Variants in STK24 observed in about 807,000 individuals in gnomAD.
STK24 encodes serine/threonine kinase 24.
Under a neutral mutation model 55.6 loss-of-function variants are expected in STK24, and 21 were observed. That is an observed-to-expected ratio of 0.38 (90% CI 0.27 to 0.54). The LOEUF (loss-of-function observed/expected upper bound fraction) is 0.54. STK24 is among the 20% of genes least tolerant of loss of function. The pLI, the probability that STK24 is intolerant of heterozygous loss-of-function variation, is 0.79. For missense variants in STK24, 383 were observed against 538.4 expected (o/e 0.71, Z 2.86); for synonymous variants, 200 against 215.2 (o/e 0.93, Z 0.62).
chr13:98,455,325 C>T (rs1372915106), intron 10 of STK24: 2 of 152,180 alleles, frequency 1.3e-5, no homozygotes, highest in Non-Finnish European at 1.5e-5. Context: ...GCCATAGCCG[C>T]GAACTCCTCA....
At chr13:98,555,014 C>CAAAAAAAAAAAA (rs398024117) in intron 1 of STK24, among the ~76,000 whole-genome samples, 6 of 88,328 alleles carry the variant, frequency 6.8e-5, no homozygotes, top group Non-Finnish European at 1.1e-4. Context: ...GACTCCAACT[C>CAAAAAAAAAAAA]AAAAAAAAAA....
At chr13:98,573,769 T>G (rs1390501046) in intron 1 of STK24, among the ~76,000 whole-genome samples, 3 of 151,752 alleles carry the variant, frequency 2.0e-5, no homozygotes, top group Admixed American at 6.6e-5. Context: ...GTAGGAGGAG[T>G]AGTAGTTTCC....
intron 2 of STK24, among the ~76,000 whole-genome samples, chr13:98,512,984 C>A (rs1472522194): frequency 6.6e-6 from 1 of 152,218 alleles, no homozygotes; most frequent in African/African-American, 2.4e-5. Context: ...CTGCTGCGAA[C>A]CGGCTTCTGC....
chr13:98,543,022 C>T (rs1896930277), intron 1 of STK24: 1 of 985,132 alleles, frequency 1.0e-6, no homozygotes, highest in Admixed American at 6.2e-5. Flanking sequence ...CCTGGAAGGC[C>T]CAAAGACTGA....
chr13:98,551,667 C>T (rs1308089003), intron 1 of STK24, among the ~76,000 whole-genome samples: 2 of 152,120 alleles, frequency 1.3e-5, no homozygotes, highest in Non-Finnish European at 2.9e-5. Flanking sequence ...ATGCTGACTC[C>T]TCCAGGAAGG....
At chr13:98,515,980 C>T (rs1311445655) in intron 2 of STK24, among the ~76,000 whole-genome samples, 1 of 152,208 alleles carries the variant, frequency 6.6e-6, no homozygotes, top group African/African-American at 2.4e-5. Flanking sequence ...GTGCCAAAGA[C>T]CCATTTGTCT....
chr13:98,515,969 T>G (rs1896042614), intron 2 of STK24, among the ~76,000 whole-genome samples: 3 of 152,238 alleles, frequency 2.0e-5, no homozygotes, highest in Admixed American at 2.0e-4. Flanking sequence ...TTTCCAGCTC[T>G]GTGCCAAAGA....
At chr13:98,554,019 G>A (rs1302560365) in intron 1 of STK24, among the ~76,000 whole-genome samples, 1 of 149,274 alleles carries the variant, frequency 6.7e-6, no homozygotes, top group Admixed American at 6.7e-5. Flanking sequence ...CCGAGATCAC[G>A]CCACTGCACT....
At chr13:98,516,763 C>CG (rs1394269579) in intron 2 of STK24, among the ~76,000 whole-genome samples, 3 of 152,218 alleles carry the variant, frequency 2.0e-5, no homozygotes, top group African/African-American at 7.2e-5. Flanking sequence ...AAACAGCCCA[C>CG]GGATCAGGGC....
intron 1 of STK24, among the ~76,000 whole-genome samples, chr13:98,524,794 TGC>T (rs1896375452): frequency 6.6e-6 from 1 of 152,254 alleles, no homozygotes; most frequent in South Asian, 2.1e-4. Context: ...GTTTTCCTTT[TGC>T]CTGGACCAAG....
intron 9 of STK24, 128 bp downstream of exon 9, chr13:98,460,244 G>A (rs1198806392): frequency 5.7e-6 from 5 of 882,688 alleles, no homozygotes; most frequent in African/African-American, 5.1e-5. Context: ...GCACCATGCA[G>A]GCTTTCCGAG....
intron 2 of STK24, among the ~76,000 whole-genome samples, chr13:98,517,180 A>C (rs1418075627): frequency 6.6e-6 from 1 of 152,242 alleles, no homozygotes; most frequent in Non-Finnish European, 1.5e-5. Flanking sequence ...CATCATAATA[A>C]TTCATATTAA....
At position 98,451,202 on chromosome 13, in the gene STK24, C is replaced by T. The variant is rs1399863267; in HGVS notation, c.*1971G>A. 6.6e-6 allele frequency: 1 copy of T among 152,184 alleles called. No homozygotes were observed. Among genetic ancestry groups the T allele is most frequent in the Non-Finnish European group, 1.5e-5 (1 of 68,042 alleles). The allele number at this position is 152,184 out of a possible 1,614,324, so 9.4% of individuals were successfully genotyped here. ...AAAAGCTGCTGTCCGCCCTGGCTCA[C>T]TTAAAAATCAGGTAACGGCACACCC... On this transcript the variant is annotated 3_prime_UTR_variant, in exon 11 of 11. Transcript: ENST00000539966.
At position 98,448,245 on chromosome 13, in the gene STK24, A is replaced by G; in HGVS notation, c.*4928T>C. The G allele has an allele frequency of 6.2e-7, 1 of 1,613,928 alleles. No individual in the cohort carries two copies. Among genetic ancestry groups the G allele is most frequent in the Admixed American group, 1.7e-5 (1 of 60,030 alleles). ...CGTTCCCGTGTTGCAGGTGGATGGA[A>G]GTGATCCGCAGTGCCACCAGCTCTG... On this transcript the variant is annotated 3_prime_UTR_variant, in exon 11 of 11. Coordinates refer to ENST00000539966, the MANE Select transcript of STK24 (RefSeq NM_001032296.4).
rs1388533028 is a variant in STK24, at chr13:98,519,437, G to C, written c.79C>G (p.Leu27Val). The change falls in exon 2 of 11, where the codon CTA (leucine) becomes GTA (valine). Residue 27 changes from leucine to valine, a missense_variant. Transcript: ENST00000539966. ...AAGGAGCCCTTCCCAATTTTCTCTA[G>C]TTTTGTAAAAAGCTCTTCTGGGTCT... Reference protein sequence around the residue: ...KADPEELFTKLEKIGKGSFGE... With the variant: ...KADPEELFTKVEKIGKGSFGE... 2.5e-6 allele frequency: 4 copies of C among 1,614,160 alleles called. No individual in the cohort carries two copies. Among genetic ancestry groups the C allele is most frequent in the South Asian group, 2.2e-5 (2 of 91,088 alleles).
intron 2 of STK24, among the ~76,000 whole-genome samples, chr13:98,490,450 G>A (rs1199793226): frequency 2.6e-5 from 4 of 152,160 alleles, no homozygotes; most frequent in Non-Finnish European, 5.9e-5. Flanking sequence ...TATATTCACC[G>A]GAAAACATTA....
In STK24 at chr13:98,500,361, A is replaced by G. The variant is rs1268400473; in HGVS notation, c.274-18040T>C. On this transcript the variant is annotated intron_variant, in intron 2 of 10. Coordinates refer to ENST00000539966, the MANE Select transcript of STK24 (RefSeq NM_001032296.4). ...CCCAAGTGTGTTGGCTGGAGAAGCT[A>G]TTTAAGAAGGCTCTGCCATGTCTTG... 2.6e-5 allele frequency among the ~76,000 whole-genome samples: 4 copies of G among 152,192 alleles called. No homozygotes were observed. In the East Asian group the frequency reaches 7.7e-4, roughly 29 times the overall value.
chr13:98,558,410 T>A (rs953712931), intron 1 of STK24, among the ~76,000 whole-genome samples: 1 of 152,144 alleles, frequency 6.6e-6, no homozygotes, highest in Non-Finnish European at 1.5e-5. Flanking sequence ...CAAAGAGGAA[T>A]GCAGTAAACA....
rs539124248 is a variant in STK24, at chr13:98,565,238, C to G, written c.42+11507G>C. On this transcript the variant is annotated intron_variant, in intron 1 of 10. Coordinates refer to ENST00000539966, the MANE Select transcript of STK24 (RefSeq NM_001032296.4). ...GACACTTGCTCAGAACACAAACTCC[C>G]TCCGAGACGCCCAGAATCAGAAACT... Among the ~76,000 whole-genome samples the G allele has an allele frequency of 3.3e-5, 5 of 152,232 alleles. No individual in the cohort carries two copies. The East Asian group carries it at 9.7e-4, about 29-fold the overall frequency.
Sources: gnomAD v4.1 joint callset for allele counts (sites outside exome capture counted in the v4.1 genomes callset) on GRCh38, gnomAD v4.1.1 for gene constraint, MANE v1.5 for transcripts, NCBI Gene and HGNC (gene_info 2026-07-23, HGNC 2026-07-21) for gene names.